The following LHPP variants were observed in gnomAD, a reference collection of about 807,000 sequenced individuals.
LHPP encodes the protein phospholysine phosphohistidine inorganic pyrophosphate phosphatase, also known as hLHPP.
In LHPP, 24 loss-of-function variants were observed where a neutral mutation model predicts 30.3. The observed-to-expected ratio is 0.79, with a 90% CI of 0.57 to 1.11. LHPP has a LOEUF of 1.11. LHPP is among the 50% of genes most tolerant of loss of function. LHPP has a pLI of 0.00. For synonymous variants in LHPP, 150 were observed against 157.1 expected (o/e 0.95, Z 0.34); for missense variants, 356 against 367.2 (o/e 0.97, Z 0.25).
intron 5 of LHPP, among the ~76,000 whole-genome samples, chr10:124,514,272 T>A (rs1954390717): frequency 6.6e-6 from 1 of 152,124 alleles, no homozygotes; most frequent in South Asian, 2.1e-4. Flanking sequence ...AGGCAGAAGG[T>A]CAGCACGTGC....
intron 1 of LHPP, among the ~76,000 whole-genome samples, chr10:124,472,736 TTAG>T (rs1406551513): frequency 6.6e-6 from 1 of 152,096 alleles, no homozygotes; most frequent in African/African-American, 2.4e-5. Context: ...TTTTGTATTT[TTAG>T]TAGAGACGGA....
chr10:124,568,366 G>A (rs1414684376), intron 6 of LHPP, among the ~76,000 whole-genome samples: 2 of 152,134 alleles, frequency 1.3e-5, no homozygotes, highest in Non-Finnish European at 2.9e-5. Context: ...CCCTCTTCTT[G>A]CCCTTTGCCT....
At chr10:124,473,974 A>C (rs1359061276) in intron 1 of LHPP, among the ~76,000 whole-genome samples, 1 of 151,870 alleles carries the variant, frequency 6.6e-6, no homozygotes, top group African/African-American at 2.4e-5. Context: ...AACAAAAGCC[A>C]ACGTTTTCCT....
In LHPP at chr10:124,590,594, G is replaced by A. The variant is rs1382985260; in HGVS notation, c.717-22670G>A. Among the ~76,000 whole-genome samples the A allele has an allele frequency of 6.6e-6, 1 of 152,166 alleles. No individual in the cohort carries two copies. The highest frequency in any genetic ancestry group is 1.9e-4 in the East Asian group (1 of 5,194). On this transcript the variant is annotated intron_variant, in intron 6 of 6. Transcript: ENST00000368842. The surrounding 1 kb of genome is among the most constrained non-coding windows in gnomAD (Gnocchi z 4.3). ...TTCTAGCCCAGGAGCTCCAGGTGAAGGGGACTGTGTTGGTCCTGTCTGCCC... is the reference window on the plus strand; with the variant it reads ...TTCTAGCCCAGGAGCTCCAGGTGAAAGGGACTGTGTTGGTCCTGTCTGCCC...
intron 1 of LHPP, among the ~76,000 whole-genome samples, chr10:124,470,774 G>A (rs1198114524): frequency 6.6e-6 from 1 of 152,090 alleles, no homozygotes; most frequent in Non-Finnish European, 1.5e-5. Context: ...TGCCGGAGGG[G>A]TCTGGCAGGA....
At position 124,496,919 on chromosome 10, in the gene LHPP, C is replaced by T; in HGVS notation, c.468-42C>T. ...GATACTTAGCATCCTGCGGTCAGCT[C>T]CCCGTGCTCAGCATCCCGTGCTCCG... On this transcript the variant is annotated intron_variant, in intron 3 of 6. Transcript: ENST00000368842. The surrounding 1 kb of genome is among the most constrained non-coding windows in gnomAD (Gnocchi z 4.3). 1 of 1,575,422 alleles carries T rather than the reference C, an allele frequency of 6.3e-7. No homozygotes were observed. Among genetic ancestry groups the T allele is most frequent in the Non-Finnish European group, 8.7e-7 (1 of 1,149,566 alleles).
chr10:124,498,660 C>CTTTTTTTTTTTTTTTTTTTTTTTTTTTCT, intron 5 of LHPP: 1 of 351,970 alleles, frequency 2.8e-6, no homozygotes, highest in Non-Finnish European at 5.1e-6. Flanking sequence ...TTTTCTTTTT[C>CTTTTTTTTTTTTTTTTTTTTTTTTTTTCT]TTTTTTTTTT....
At chr10:124,560,659 TGAGCGGGGGCACTAGCCGGGGACGAGGG>T (rs1408708641) in intron 6 of LHPP, among the ~76,000 whole-genome samples, 2 of 152,124 alleles carry the variant, frequency 1.3e-5, no homozygotes, top group African/African-American at 4.8e-5. Context: ...GGCTCACAGG[TGAGCGGGGGCACTAGCCGGGGACGAGGG>T]GCTGGAGCCT....
At chr10:124,528,550 G>T (rs1328240769) in intron 6 of LHPP, among the ~76,000 whole-genome samples, 3 of 152,080 alleles carry the variant, frequency 2.0e-5, no homozygotes, top group African/African-American at 4.8e-5. Context: ...CTAGAGACGG[G>T]GTTTCGCCAT....
chr10:124,519,504 T>C (rs867377059), intron 6 of LHPP, among the ~76,000 whole-genome samples: 2 of 152,178 alleles, frequency 1.3e-5, no homozygotes, highest in South Asian at 2.1e-4. Flanking sequence ...ATAAGTTCTT[T>C]AGTGGTGATT....
chr10:124,540,264 A>C (rs1281020826), intron 6 of LHPP, among the ~76,000 whole-genome samples: 1 of 152,100 alleles, frequency 6.6e-6, no homozygotes, highest in Admixed American at 6.5e-5. Flanking sequence ...AGGGTCCTGC[A>C]GCCCAGGCAC....
chr10:124,525,337 A>G (rs2133922323), intron 6 of LHPP, among the ~76,000 whole-genome samples: 1 of 152,270 alleles, frequency 6.6e-6, no homozygotes, highest in South Asian at 2.1e-4. Flanking sequence ...TCTGGGGCGG[A>G]TCTGCTGATA....
chr10:124,516,781 T>G (rs975814450), intron 5 of LHPP, among the ~76,000 whole-genome samples: 2 of 152,196 alleles, frequency 1.3e-5, no homozygotes, highest in Non-Finnish European at 2.9e-5. Flanking sequence ...TACAAAGATT[T>G]GCCAGAGATT....
intron 3 of LHPP, chr10:124,490,447 C>T (rs958879935): frequency 3.3e-5 from 11 of 332,750 alleles, no homozygotes; most frequent in Non-Finnish European, 6.4e-5. Context: ...GCCTTCATGA[C>T]GTGAAGGTTG....
rs1952412307 is a variant in LHPP at position 124,462,001 on chromosome 10, G to A, written c.125+14G>A. Reference sequence around the variant, plus strand: ...GGCGGTGGCCAGGTGAGTGGGCCCCGGGACGCCGCTGGGGCCGCCGAGCTC... The same window carrying A: ...GGCGGTGGCCAGGTGAGTGGGCCCCAGGACGCCGCTGGGGCCGCCGAGCTC... On this transcript the variant is annotated intron_variant, in intron 1 of 6. Transcript: ENST00000368842. 4 of 1,208,724 alleles carry A rather than the reference G, an allele frequency of 3.3e-6. No homozygotes were observed. Among genetic ancestry groups the A allele is most frequent in the African/African-American group, 3.2e-5 (2 of 63,204 alleles). 74.9% of individuals were successfully genotyped at this position (1,208,724 alleles called of 1,614,324 possible).
At chr10:124,550,689 G>A (rs1276727328) in intron 6 of LHPP, among the ~76,000 whole-genome samples, 1 of 152,188 alleles carries the variant, frequency 6.6e-6, no homozygotes, top group African/African-American at 2.4e-5. Context: ...TACCTTGGCT[G>A]ATCGTGGGGA....
At chr10:124,500,376 G>A (rs1953863159) in intron 5 of LHPP, among the ~76,000 whole-genome samples, 1 of 151,970 alleles carries the variant, frequency 6.6e-6, no homozygotes, top group African/African-American at 2.4e-5. Flanking sequence ...GGAGGCTGAG[G>A]CAGGAGAATT....
At chr10:124,500,698 T>C (rs1048158442) in intron 5 of LHPP, among the ~76,000 whole-genome samples, 6 of 151,364 alleles carry the variant, frequency 4.0e-5, no homozygotes, top group Non-Finnish European at 5.9e-5. Flanking sequence ...TCCAGTGAGA[T>C]ACCACTTCAC....
chr10:124,525,612 G>A (rs563460063), intron 6 of LHPP, among the ~76,000 whole-genome samples: 3 of 152,242 alleles, frequency 2.0e-5, no homozygotes, highest in Non-Finnish European at 4.4e-5. Context: ...AAGGAGGCTG[G>A]TGGGGTCCAC....
Sources: allele counts gnomAD v4.1 joint callset (sites outside exome capture counted in the v4.1 genomes callset), GRCh38; gene constraint gnomAD v4.1.1; non-coding constraint Gnocchi (gnomAD v3.1); transcripts MANE v1.5; gene names NCBI Gene and HGNC (gene_info 2026-07-23, HGNC 2026-07-21).